ERC2: variants seen among roughly 807,000 people sequenced by gnomAD.
ERC2 encodes the protein ELKS/RAB6-interacting/CAST family member 2, also known as ERC protein 2.
Under a neutral mutation model 114.8 loss-of-function variants are expected in ERC2, and 42 were observed. That is an observed-to-expected ratio of 0.37 (90% confidence interval 0.29 to 0.47). The LOEUF is 0.47. Ranked by LOEUF, ERC2 falls within the 20% of genes least tolerant of loss-of-function variation. ERC2 has a pLI of 0.99. For missense variants in ERC2, 939 were observed against 1,150.7 expected, an observed-to-expected ratio of 0.82 and a Z score of 2.66; for synonymous variants, 454 against 425.5, an observed-to-expected ratio of 1.07 and a Z score of -0.82.
intron 7 of ERC2, among the ~76,000 whole-genome samples, chr3:56,022,782 C>T (rs1303148932): frequency 6.6e-6 from 1 of 152,124 alleles, no homozygotes; most frequent in African/African-American, 2.4e-5. Context: ...ACCACCTTAG[C>T]AACACAGACA....
chr3:55,826,145 G>A (rs902357586), intron 14 of ERC2, among the ~76,000 whole-genome samples: 6 of 152,154 alleles, frequency 3.9e-5, no homozygotes, highest in African/African-American at 1.2e-4. Flanking sequence ...AGCAATAAAA[G>A]CTACTTTAAC....
At chr3:55,993,122 C>T (rs1175573045) in intron 10 of ERC2, among the ~76,000 whole-genome samples, 1 of 152,020 alleles carries the variant, frequency 6.6e-6, no homozygotes, top group Non-Finnish European at 1.5e-5. Flanking sequence ...AATAACACTG[C>T]ACTGCAATGT....
intron 13 of ERC2, among the ~76,000 whole-genome samples, chr3:55,899,171 G>A (rs944088954): frequency 6.6e-6 from 1 of 152,066 alleles, no homozygotes; most frequent in Non-Finnish European, 1.5e-5. Flanking sequence ...AAATTATTTC[G>A]GTCTTTGTGG....
chr3:55,775,254 G>A (rs181244622), intron 14 of ERC2, among the ~76,000 whole-genome samples: 2 of 152,112 alleles, frequency 1.3e-5, no homozygotes, highest in Admixed American at 6.5e-5. Context: ...AGTGGGGGTC[G>A]GGTGTGGTAG....
intron 14 of ERC2, among the ~76,000 whole-genome samples, chr3:55,790,124 C>A (rs373216682): frequency 2.0e-5 from 3 of 152,292 alleles, no homozygotes; most frequent in African/African-American, 7.2e-5. Context: ...TTATTCCCTG[C>A]AGGATAAAGT....
At chr3:56,454,166 T>C (rs2062952074) in intron 1 of ERC2, among the ~76,000 whole-genome samples, 1 of 152,222 alleles carries the variant, frequency 6.6e-6, no homozygotes, top group African/African-American at 2.4e-5. Flanking sequence ...TTCATCTTCA[T>C]ATCTCAGCAC....
chr3:55,709,970 T>C (rs1332313426), intron 15 of ERC2, among the ~76,000 whole-genome samples: 2 of 152,078 alleles, frequency 1.3e-5, no homozygotes, highest in Non-Finnish European at 2.9e-5. Flanking sequence ...ACATGCTCAT[T>C]AGCAGTTTTC....
At chr3:55,715,513 G>C (rs192697963) in intron 15 of ERC2, among the ~76,000 whole-genome samples, 4 of 152,200 alleles carry the variant, frequency 2.6e-5, no homozygotes, top group Non-Finnish European at 2.9e-5. Flanking sequence ...GGACATTAAG[G>C]ACCCAGACAT....
At chr3:55,516,254 A>C (rs1447001037) in intron 17 of ERC2, among the ~76,000 whole-genome samples, 6 of 152,044 alleles carry the variant, frequency 3.9e-5, no homozygotes, top group Non-Finnish European at 7.4e-5. Context: ...AAAAAAAAAA[A>C]AACAAACAAA....
At chr3:55,597,216 C>G (rs1048004566) in intron 17 of ERC2, among the ~76,000 whole-genome samples, 1 of 151,978 alleles carries the variant, frequency 6.6e-6, no homozygotes, top group East Asian at 1.9e-4. Context: ...GTCAGGAGAT[C>G]GAGACCATCC....
chr3:56,139,810 A>T lies in ERC2; in HGVS notation c.1306-134T>A, dbSNP rs75285957. Reference sequence around the variant, plus strand: ...AACAAGGCAGGCCACGAATTTGCTTAAAAAAGATGGCCTTGGGAATCACAC... The same window carrying T: ...AACAAGGCAGGCCACGAATTTGCTTTAAAAAGATGGCCTTGGGAATCACAC... On this transcript the variant is annotated intron_variant, in intron 5 of 17. Coordinates refer to ENST00000288221, the MANE Select transcript of ERC2 (RefSeq NM_015576.3). 2,218 of 969,368 alleles carry T rather than the reference A, an allele frequency of 2.3e-3. 44 individuals carry two copies. The African/African-American group carries it at 0.033, about 14-fold the overall frequency. 60.0% of individuals were successfully genotyped at this position (969,368 alleles called of 1,614,324 possible).
chr3:56,047,824 G>C (rs1354662812), intron 7 of ERC2, among the ~76,000 whole-genome samples: 1 of 152,102 alleles, frequency 6.6e-6, no homozygotes. Context: ...GGGGCCACTT[G>C]CACCCTCAAA....
intron 7 of ERC2, among the ~76,000 whole-genome samples, chr3:56,031,303 G>T (rs1293564212): frequency 1.3e-5 from 2 of 151,916 alleles, no homozygotes; most frequent in African/African-American, 4.8e-5. Flanking sequence ...AAATAACCCA[G>T]ATTCCAGGTC....
chr3:55,790,679 G>T (rs2069934273), intron 14 of ERC2, among the ~76,000 whole-genome samples: 1 of 152,290 alleles, frequency 6.6e-6, no homozygotes, highest in South Asian at 2.1e-4. Flanking sequence ...CCAACTTCTG[G>T]GGAAACCCAA....
At chr3:55,692,337 T>C (rs1194340593) in intron 16 of ERC2, among the ~76,000 whole-genome samples, 2 of 152,164 alleles carry the variant, frequency 1.3e-5, no homozygotes, top group Admixed American at 6.5e-5. Context: ...CAACTTCTTG[T>C]GGACTAAGCA....
chr3:56,210,233 G>C (rs2048977765), intron 3 of ERC2, among the ~76,000 whole-genome samples: 1 of 151,990 alleles, frequency 6.6e-6, no homozygotes, highest in South Asian at 2.1e-4. Context: ...GTGCATTTGT[G>C]TTTCCTTTAA....
intron 4 of ERC2, among the ~76,000 whole-genome samples, chr3:56,166,798 A>C (rs2082345044): frequency 6.6e-6 from 1 of 152,054 alleles, no homozygotes; most frequent in Non-Finnish European, 1.5e-5. Flanking sequence ...TGCTGATTCT[A>C]ACCAGGATTT....
At chr3:55,935,103 A>G (rs1301039358) in intron 13 of ERC2, among the ~76,000 whole-genome samples, 1 of 152,216 alleles carries the variant, frequency 6.6e-6, no homozygotes, top group African/African-American at 2.4e-5. Context: ...CCCTGCCAGA[A>G]GCATAACTTT....
At chr3:55,714,687 A>ATGTGTG (rs1171600675) in intron 15 of ERC2, among the ~76,000 whole-genome samples, 89 of 99,368 alleles carry the variant, frequency 9.0e-4, no homozygotes, top group African/African-American at 2.4e-3. Context: ...ATATATATAT[A>ATGTGTG]TATATATATA....
Sources: gnomAD v4.1 joint callset for allele counts (sites outside exome capture counted in the v4.1 genomes callset) on GRCh38, gnomAD v4.1.1 for gene constraint, MANE v1.5 for transcripts, NCBI Gene and HGNC (gene_info 2026-07-23, HGNC 2026-07-21) for gene names.